The following GLCE variants were observed in gnomAD, a reference collection of about 807,000 sequenced individuals.
GLCE encodes D-glucuronyl C5-epimerase.
GLCE carries 19 observed loss-of-function variants against 47.9 expected under a neutral mutation model. The observed-to-expected ratio is 0.40, with a 90% CI of 0.28 to 0.58. The LOEUF is 0.58. Among genes scored for constraint, GLCE ranks in the 20% least tolerant of loss-of-function variants. The probability of loss-of-function intolerance (pLI) is 0.48; values close to 1 mark genes in which losing one functional copy is unlikely to be tolerated. For missense variants in GLCE, 556 were observed against 743.3 expected (o/e 0.75, Z 2.93); for synonymous variants, 245 against 263.4 (o/e 0.93, Z 0.68).
intron 1 of GLCE, among the ~76,000 whole-genome samples, chr15:69,176,391 T>G (rs1322816113): frequency 6.6e-6 from 1 of 151,654 alleles, no homozygotes; most frequent in Non-Finnish European, 1.5e-5. Context: ...ACCTGGCTAA[T>G]TTTTGTATTT....
rs72754391 is a variant in GLCE, at chr15:69,207,160, C to A, written c.-104-3156C>A. Among the ~76,000 whole-genome samples, 1,069 of 152,172 alleles carry A rather than the reference C, an allele frequency of 7.0e-3. 17 individuals carry two copies. The highest frequency in any genetic ancestry group is 5.9e-3 in the Non-Finnish European group (400 of 67,978). ...TGTGAGAAATAAATTTACCCTACCC[C>A]CTTTAGTTGGGTTATGCCATTCATT... On this transcript the variant is annotated intron_variant, in intron 1 of 4. Transcript: ENST00000261858.
Position 69,245,222 on chromosome 15 carries a change from A to G in GLCE, c.-13-10572A>G, listed in dbSNP as rs373834324. On this transcript the variant is annotated intron_variant, in intron 2 of 4. Transcript: ENST00000261858. ...GTGGCATATGCCTGTAATCCCAGCT[A>G]CTCAGGAGGCTGAGGCACAAGAATC... Among the ~76,000 whole-genome samples the G allele has an allele frequency of 7.3e-5, 11 of 151,136 alleles. No individual in the cohort carries two copies. In the East Asian group the frequency reaches 1.4e-3, roughly 19 times the overall value.
rs755045788 is a variant in GLCE, at chr15:69,268,748, C to T, written c.1358C>T (p.Thr453Ile). 8 of 1,614,200 alleles carry T rather than the reference C, an allele frequency of 5.0e-6. No homozygotes were observed. Among genetic ancestry groups the T allele is most frequent in the Non-Finnish European group, 6.8e-6 (8 of 1,180,010 alleles). Residue 453 changes from threonine (T) to isoleucine (I), a missense_variant, in exon 5 of 5, where the codon ACA becomes ATA. Thr to Ile is a moderately conservative substitution (Grantham distance 89). Around this residue, in one of 3 missense-constraint regions of GLCE, gnomAD observed 245 missense variants for 368.1 expected, o/e 0.67. Transcript: ENST00000261858. ...ATGGCCCAAGGGCAAGCCATTTCTA[C>T]ATTAGTCAGGGCCTATCTGTTAACA... The part of the protein sequence containing the change: ...SAMAQGQAIS[T>I]LVRAYLLTKD...
At chr15:69,203,717 A>G (rs2202251) in intron 1 of GLCE, among the ~76,000 whole-genome samples, 110,942 of 151,928 alleles carry the variant, frequency 0.73, 40,828 homozygotes, top group Admixed American at 0.78. Flanking sequence ...ACAAGAAAAG[A>G]CCTTAAGGCA....
At chr15:69,189,164 A>C (rs970897391) in intron 1 of GLCE, among the ~76,000 whole-genome samples, 1 of 152,158 alleles carries the variant, frequency 6.6e-6, no homozygotes, top group Non-Finnish European at 1.5e-5. Flanking sequence ...CCACTCTCCT[A>C]AAAATCCTCT....
chr15:69,267,754 C>A (rs957668152), intron 4 of GLCE, among the ~76,000 whole-genome samples: 2 of 151,634 alleles, frequency 1.3e-5, no homozygotes, highest in African/African-American at 4.8e-5. Context: ...ATAGTAAGTA[C>A]ATATTAAATG....
chr15:69,174,994 G>A (rs1012454782), intron 1 of GLCE, among the ~76,000 whole-genome samples: 8 of 151,756 alleles, frequency 5.3e-5, no homozygotes, highest in Non-Finnish European at 1.2e-4. Context: ...AAATTAACAG[G>A]ATTATAAGCC....
At chr15:69,265,338 C>T (rs921221490) in intron 4 of GLCE, among the ~76,000 whole-genome samples, 3 of 152,090 alleles carry the variant, frequency 2.0e-5, no homozygotes, top group African/African-American at 7.2e-5. Context: ...CAGAACCTTA[C>T]CTGGTACATT....
intron 1 of GLCE, among the ~76,000 whole-genome samples, chr15:69,183,305 G>A (rs373508912): frequency 6.6e-6 from 1 of 152,168 alleles, no homozygotes; most frequent in Non-Finnish European, 1.5e-5. Flanking sequence ...AGTAAAGAAC[G>A]GCTACAGTCT....
Position 69,256,268 on chromosome 15 carries a change from C to T in GLCE, c.462C>T (p.Phe154=). 1 of 1,613,894 alleles carries T rather than the reference C, an allele frequency of 6.2e-7. No homozygotes were observed. The highest frequency in any genetic ancestry group is 8.5e-7 in the Non-Finnish European group (1 of 1,179,842). ...VQYDGYDRFE[F]SHSYSKVYAQ... ...ATGATGGCTATGATCGGTTTGAATT[C>T]TCTCATAGCTATTCCAAAGTCTATG... The change falls in exon 3 of 5, where the codon TTC becomes TTT. Residue 154 remains phenylalanine, a synonymous_variant. Transcript: ENST00000261858.
chr15:69,255,078 A>T (rs993879421), intron 2 of GLCE, among the ~76,000 whole-genome samples: 1 of 152,222 alleles, frequency 6.6e-6, no homozygotes, highest in South Asian at 2.1e-4. Context: ...TGACTATTTT[A>T]TGCTGTTAGG....
intron 1 of GLCE, among the ~76,000 whole-genome samples, chr15:69,170,512 G>A (rs1228869397): frequency 2.6e-5 from 4 of 152,182 alleles, no homozygotes; most frequent in African/African-American, 9.6e-5. Flanking sequence ...ATGTATATGT[G>A]TATAAATGTG....
At chr15:69,216,077 A>G (rs1009323531) in intron 2 of GLCE, among the ~76,000 whole-genome samples, 4 of 152,096 alleles carry the variant, frequency 2.6e-5, no homozygotes, top group Non-Finnish European at 4.4e-5. Flanking sequence ...GTATAGTTTT[A>G]TATAGGTGAG....
chr15:69,268,406 A>G lies in GLCE; in HGVS notation c.1016A>G (p.Tyr339Cys). 6.2e-7 allele frequency: 1 copy of G among 1,613,968 alleles called. No individual in the cohort carries two copies. Among genetic ancestry groups the G allele is most frequent in the South Asian group, 1.1e-5 (1 of 91,080 alleles). The change falls in exon 5 of 5, where the codon TAT (tyrosine) becomes TGT (cysteine). Residue 339 changes from tyrosine (Y) to cysteine (C), a missense_variant. Tyr to Cys is a radical substitution (Grantham distance 194, BLOSUM62 -2). Coordinates refer to ENST00000261858, the MANE Select transcript of GLCE (RefSeq NM_015554.3). ...GCTTTTAAAGAAAGAGATATATACT[A>G]TGGCATTGGGCCCAGAACTTCATGG... is the stretch of plus-strand genomic sequence containing the variant. ...LIAFKERDIY[Y>C]GIGPRTSWST...
intron 2 of GLCE, among the ~76,000 whole-genome samples, chr15:69,238,299 C>T (rs2052619666): frequency 6.6e-6 from 1 of 152,054 alleles, no homozygotes; most frequent in African/African-American, 2.4e-5. Flanking sequence ...TAATATGATA[C>T]TATGATGTAA....
At chr15:69,218,282 G>A (rs1442991538) in intron 2 of GLCE, among the ~76,000 whole-genome samples, 1 of 151,956 alleles carries the variant, frequency 6.6e-6, no homozygotes, top group African/African-American at 2.4e-5. Context: ...AGCTAAGGCC[G>A]GTGGATTCCT....
At position 69,269,069 on chromosome 15, in the gene GLCE, A is replaced by G. The variant is rs779161883; in HGVS notation, c.1679A>G (p.Tyr560Cys). 5.0e-6 allele frequency: 8 copies of G among 1,614,052 alleles called. No homozygotes were observed. Among genetic ancestry groups the G allele is most frequent in the Non-Finnish European group, 6.8e-6 (8 of 1,180,030 alleles). Residue 560 changes from tyrosine to cysteine, a missense_variant, in exon 5 of 5, where the codon TAT (tyrosine) becomes TGT (cysteine). Physicochemically the swap from Tyr to Cys is radical, Grantham distance 194. Around this residue, in one of 3 missense-constraint regions of GLCE, gnomAD observed 245 missense variants for 368.1 expected, o/e 0.67. Transcript: ENST00000261858. ...PLYDTGSGTI[Y>C]DLRHFMLGIA... ...TATGACACTGGCTCAGGAACCATCTATGACCTCCGTCACTTCATGCTTGGC... is the reference window on the plus strand; with the variant it reads ...TATGACACTGGCTCAGGAACCATCTGTGACCTCCGTCACTTCATGCTTGGC...
chr15:69,201,595 C>T (rs751140032), intron 1 of GLCE, among the ~76,000 whole-genome samples: 1 of 149,006 alleles, frequency 6.7e-6, no homozygotes, highest in Non-Finnish European at 1.5e-5. Context: ...GCCCTTTCCT[C>T]ATCCCATCAC....
At chr15:69,236,764 A>G (rs1228579558) in intron 2 of GLCE, among the ~76,000 whole-genome samples, 1 of 152,240 alleles carries the variant, frequency 6.6e-6, no homozygotes, top group South Asian at 2.1e-4. Context: ...CGTGATTCAG[A>G]GAAGTGAAAT....
Sources: gnomAD v4.1 joint callset for allele counts (sites outside exome capture counted in the v4.1 genomes callset) on GRCh38, gnomAD v4.1.1 for gene constraint, gnomAD v4.1.1 regional missense constraint, MANE v1.5 for transcripts, NCBI Gene and HGNC (gene_info 2026-07-23, HGNC 2026-07-21) for gene names.